EYS: variants seen among roughly 807,000 people sequenced by gnomAD.
EYS encodes EGF-like photoreceptor maintenance factor, also known as protein eyes shut homolog.
EYS carries 250 observed loss-of-function variants against 282.1 expected under a neutral mutation model. The ratio of observed to expected loss-of-function variants is 0.89; its 90% CI spans 0.80 to 0.98. The LOEUF (loss-of-function observed/expected upper bound fraction) is 0.98. Among genes scored for constraint, EYS ranks in the 50% least tolerant of loss-of-function variants. The probability of loss-of-function intolerance (pLI) is 0.00; values close to 1 mark genes in which losing one functional copy is unlikely to be tolerated. For missense variants in EYS, 4,016 were observed against 3,709.0 expected (o/e 1.08, Z -2.15); for synonymous variants, 1,355 against 1,282.9 (o/e 1.06, Z -1.20).
At chr6:64,611,166 G>A (rs1767103815) in intron 24 of EYS, among the ~76,000 whole-genome samples, 1 of 151,748 alleles carries the variant, frequency 6.6e-6, no homozygotes, top group South Asian at 2.1e-4. Flanking sequence ...TGTTTTTTTT[G>A]TTGTTTGTGG....
At chr6:65,356,891 G>T (rs900014096) in intron 8 of EYS, among the ~76,000 whole-genome samples, 1 of 152,064 alleles carries the variant, frequency 6.6e-6, no homozygotes, top group East Asian at 1.9e-4. Context: ...GTGTTCATGT[G>T]AGGATGCTGA....
Position 63,720,649 on chromosome 6 carries a change from T to C in EYS, c.9382A>G (p.Lys3128Glu). Residue 3128 changes from lysine to glutamate, a missense_variant, in exon 43 of 43, where the codon AAA (lysine) becomes GAA (glutamate). Physicochemically the swap from Lys to Glu is moderately conservative, Grantham distance 56 (BLOSUM62 1). Coordinates refer to ENST00000503581, the MANE Select transcript of EYS (RefSeq NM_001142800.2). ...FQEPKNIELI[K>E]LEGYNVYDGD... ...TCATAAACATTGTATCCTTCTAATT[T>C]AATTAGTTCAATGTTTTTTGGTTCC... 1 of 1,530,872 alleles carries C rather than the reference T, an allele frequency of 6.5e-7. No individual in the cohort carries two copies. The highest frequency in any genetic ancestry group is 8.8e-7 in the Non-Finnish European group (1 of 1,137,440). The allele number at this position is 1,530,872 out of a possible 1,614,324, so 94.8% of individuals were successfully genotyped here. A position where few individuals can be genotyped will look rare whatever the true frequency, so the allele number is the denominator to read the frequency against.
chr6:63,826,560 C>A (rs978016700), intron 36 of EYS, among the ~76,000 whole-genome samples: 1 of 152,196 alleles, frequency 6.6e-6, no homozygotes, highest in African/African-American at 2.4e-5. Context: ...AGAAAATCTA[C>A]AAGCTAGAAG....
At chr6:65,266,603 G>T (rs1479909464) in intron 12 of EYS, among the ~76,000 whole-genome samples, 1 of 151,736 alleles carries the variant, frequency 6.6e-6, no homozygotes, top group Non-Finnish European at 1.5e-5. Context: ...GCAGGATTCG[G>T]TTTGCCAGTA....
intron 2 of EYS, among the ~76,000 whole-genome samples, chr6:65,505,964 A>G (rs188841045): frequency 1.3e-5 from 2 of 152,228 alleles, no homozygotes; most frequent in East Asian, 3.9e-4. Flanking sequence ...CTTATCAGTT[A>G]CAAATAGGGG....
Position 64,439,340 on chromosome 6 carries a change from A to G in EYS, c.5657T>C (p.Val1886Ala). The stretch of plus-strand genomic sequence containing the variant: ...TAGATAAGAATCTCCATAATAACGA[A>G]CACAACTGAAATCTGTGGAGTCAGA... Reference protein sequence around the residue: ...QRLMISDFSCVRYYGDSYLEF... With the variant: ...QRLMISDFSCARYYGDSYLEF... Residue 1886 changes from valine to alanine, a missense_variant, in exon 27 of 43, where the codon GTT becomes GCT. Val to Ala is a moderately conservative substitution (Grantham distance 64). Transcript: ENST00000503581. The G allele has an allele frequency of 6.7e-7, 1 of 1,503,634 alleles. No individual in the cohort carries two copies. Among genetic ancestry groups the G allele is most frequent in the Non-Finnish European group, 8.9e-7 (1 of 1,129,738 alleles). 93.1% of individuals were successfully genotyped at this position (1,503,634 alleles called of 1,614,324 possible). A position where few individuals can be genotyped will look rare whatever the true frequency, so the allele number is the denominator to read the frequency against.
intron 16 of EYS, among the ~76,000 whole-genome samples, chr6:64,912,066 G>T (rs895232748): frequency 5.9e-5 from 9 of 152,088 alleles, no homozygotes; most frequent in African/African-American, 2.2e-4. Context: ...GTAGAAAGAA[G>T]TAATATTTTG....
At chr6:64,201,871 C>T (rs992422216) in intron 31 of EYS, among the ~76,000 whole-genome samples, 3 of 152,060 alleles carry the variant, frequency 2.0e-5, no homozygotes, top group African/African-American at 7.2e-5. Flanking sequence ...TGATTTTGTT[C>T]CCCAGGGAGC....
rs1388894868 is a variant in EYS, at chr6:65,438,034, G to T, written c.863-32667C>A. 2.4e-5 allele frequency among the ~76,000 whole-genome samples: 3 copies of T among 126,590 alleles called. No homozygotes were observed. In the East Asian group the frequency reaches 6.9e-4, roughly 29 times the overall value. 83.0% of individuals were successfully genotyped at this position (126,590 alleles called of 152,430 possible). ...CCCCCACCCCACGACAGGCCTCAGT[G>T]TGTGATGTTCCCTGCCCTGTGTCCA... On this transcript the variant is annotated intron_variant, in intron 5 of 42. Coordinates refer to ENST00000503581, the MANE Select transcript of EYS (RefSeq NM_001142800.2).
intron 12 of EYS, among the ~76,000 whole-genome samples, chr6:65,278,109 C>G (rs112403750): frequency 0.018 from 1,664 of 93,370 alleles, 33 homozygotes; most frequent in African/African-American, 0.053. Flanking sequence ...GGGTCTAGAG[C>G]CTGTTGGCCT....
At chr6:64,080,157 T>C (rs1463000798) in intron 32 of EYS, among the ~76,000 whole-genome samples, 6 of 152,220 alleles carry the variant, frequency 3.9e-5, no homozygotes, top group Non-Finnish European at 1.5e-5. Context: ...TCTTCCTCAA[T>C]GGTTGAACTA....
intron 22 of EYS, among the ~76,000 whole-genome samples, chr6:64,678,372 G>C (rs1769767086): frequency 6.6e-6 from 1 of 152,146 alleles, no homozygotes; most frequent in Admixed American, 6.5e-5. Context: ...GAGGTCCGGA[G>C]TTTGAGGACA....
chr6:63,804,008 T>A (rs1007163967), intron 37 of EYS, among the ~76,000 whole-genome samples: 1 of 152,042 alleles, frequency 6.6e-6, no homozygotes, highest in African/African-American at 2.4e-5. Flanking sequence ...TTGAGTACAA[T>A]GATTTTTTTT....
Position 65,172,982 on chromosome 6 carries a change from TAAA to T in EYS, c.2024-115258_2024-115256del, listed in dbSNP as rs10542329. On this transcript the variant is annotated intron_variant, in intron 12 of 42. Transcript: ENST00000503581. ...ATATGAGCCCTAAAGCCTGGAAATT[TAAA>T]AAAAAAAAAACTTAGAGCCTTATAT... is the stretch of plus-strand genomic sequence containing the variant. 8.3e-3 allele frequency among the ~76,000 whole-genome samples: 1,204 copies of T among 145,688 alleles called. 11 individuals are homozygous for T. The highest frequency in any genetic ancestry group is 0.027 in the African/African-American group (1,091 of 40,534).
chr6:65,703,991 C>T (rs1488666744), intron 1 of EYS, among the ~76,000 whole-genome samples: 1 of 151,796 alleles, frequency 6.6e-6, no homozygotes, highest in Non-Finnish European at 1.5e-5. Flanking sequence ...AAGTGGGGGT[C>T]GCTGAGAAGG....
At chr6:64,297,822 A>G (rs1406562210) in intron 30 of EYS, among the ~76,000 whole-genome samples, 4 of 152,022 alleles carry the variant, frequency 2.6e-5, no homozygotes, top group Non-Finnish European at 4.4e-5. Flanking sequence ...TACTAAAAAT[A>G]CAAAAATTAG....
intron 42 of EYS, among the ~76,000 whole-genome samples, chr6:63,725,644 T>C (rs940025456): frequency 2.0e-5 from 3 of 152,126 alleles, no homozygotes; most frequent in Non-Finnish European, 4.4e-5. Context: ...TTTTTCTCTT[T>C]GAAATTATTT....
At chr6:65,443,935 A>T (rs1040186751) in intron 5 of EYS, among the ~76,000 whole-genome samples, 1 of 151,868 alleles carries the variant, frequency 6.6e-6, no homozygotes, top group African/African-American at 2.4e-5. Context: ...AGATCAGAAG[A>T]ACACTTTAAA....
intron 22 of EYS, among the ~76,000 whole-genome samples, chr6:64,739,827 G>C (rs556261369): frequency 2.0e-5 from 3 of 152,142 alleles, no homozygotes; most frequent in African/African-American, 7.2e-5. Flanking sequence ...CCCTATTAGG[G>C]TTCCTTCATC....
Sources: gnomAD v4.1 joint callset for allele counts (sites outside exome capture counted in the v4.1 genomes callset) on GRCh38, gnomAD v4.1.1 for gene constraint, MANE v1.5 for transcripts, NCBI Gene and HGNC (gene_info 2026-07-23, HGNC 2026-07-21) for gene names.